RGS6: variants seen among roughly 807,000 people sequenced by gnomAD.
The protein encoded by RGS6 is regulator of G protein signaling 6.
A neutral mutation model predicts 78.5 loss-of-function variants in RGS6; 30 were observed. The ratio of observed to expected loss-of-function variants is 0.38; its 90% CI spans 0.29 to 0.52. RGS6 has a LOEUF of 0.52. Ranked by LOEUF, RGS6 falls within the 20% of genes least tolerant of loss-of-function variation. RGS6 has a pLI of 0.85. For synonymous variants in RGS6, 206 were observed against 206.0 expected (o/e 1.00, Z 0.00); for missense variants, 495 against 609.7 (o/e 0.81, Z 1.98).
At chr14:72,327,895 C>G (rs1300251528) in intron 2 of RGS6, among the ~76,000 whole-genome samples, 2 of 151,726 alleles carry the variant, frequency 1.3e-5, no homozygotes, top group Non-Finnish European at 2.9e-5. Flanking sequence ...TTATATATAA[C>G]AATAGGATAT....
At chr14:72,175,227 C>T (rs756664136) in intron 2 of RGS6, among the ~76,000 whole-genome samples, 4 of 152,098 alleles carry the variant, frequency 2.6e-5, no homozygotes, top group Admixed American at 6.6e-5. Flanking sequence ...TCCTGTTTGT[C>T]GTTTGCATAC....
At chr14:71,972,354 T>TA (rs397737872) in intron 2 of RGS6, among the ~76,000 whole-genome samples, 1 of 151,654 alleles carries the variant, frequency 6.6e-6, no homozygotes. Flanking sequence ...GTTTTTTTTT[T>TA]ATAATTTCCC....
At chr14:71,975,197 G>T (rs930243114) in intron 2 of RGS6, among the ~76,000 whole-genome samples, 1 of 151,856 alleles carries the variant, frequency 6.6e-6, no homozygotes, top group East Asian at 1.9e-4. Flanking sequence ...TTTTGTGAAG[G>T]GTGTTTTTTC....
rs562371099 is a variant in RGS6 at position 72,290,493 on chromosome 14, T to C, written c.85-61602T>C. Among the ~76,000 whole-genome samples, 6 of 152,350 alleles carry C rather than the reference T, an allele frequency of 3.9e-5. No individual in the cohort carries two copies. The East Asian group carries it at 1.2e-3, about 29-fold the overall frequency. On this transcript the variant is annotated intron_variant, in intron 2 of 17. Coordinates refer to ENST00000553525, the MANE Select transcript of RGS6 (RefSeq NM_001204424.2). ...TCCACAGCTTCCATTTAAGGTATTT[T>C]GGAAGTCCCTCGAAATGGGTCCTTG... is the stretch of plus-strand genomic sequence containing the variant.
chr14:72,291,858 A>G (rs747176462), intron 2 of RGS6, among the ~76,000 whole-genome samples: 11 of 152,226 alleles, frequency 7.2e-5, no homozygotes, highest in Non-Finnish European at 1.0e-4. Flanking sequence ...GAAAGTTACT[A>G]AAAGAAAGAA....
intron 2 of RGS6, among the ~76,000 whole-genome samples, chr14:72,186,538 T>G (rs1275996884): frequency 6.6e-6 from 1 of 152,160 alleles, no homozygotes; most frequent in Non-Finnish European, 1.5e-5. Flanking sequence ...ATTGGCCAAC[T>G]TTGAGTGTGC....
intron 2 of RGS6, among the ~76,000 whole-genome samples, chr14:72,123,650 A>G (rs970791332): frequency 1.3e-5 from 2 of 152,220 alleles, no homozygotes; most frequent in Non-Finnish European, 2.9e-5. Context: ...AATTATGTGT[A>G]ATGCTGAAAA....
At chr14:72,458,020 G>A (rs771951798) in intron 4 of RGS6, among the ~76,000 whole-genome samples, 6 of 152,160 alleles carry the variant, frequency 3.9e-5, no homozygotes, top group Non-Finnish European at 7.4e-5. Context: ...ACTTTCTTCT[G>A]AAGGTCAGGG....
At chr14:72,151,501 A>T (rs1243366234) in intron 2 of RGS6, among the ~76,000 whole-genome samples, 1 of 152,176 alleles carries the variant, frequency 6.6e-6, no homozygotes, top group East Asian at 1.9e-4. Context: ...CCTTCGAGAG[A>T]TGCACTTCAC....
chr14:72,466,585 A>G (rs1485970467), intron 7 of RGS6, among the ~76,000 whole-genome samples: 1 of 152,266 alleles, frequency 6.6e-6, no homozygotes, highest in African/African-American at 2.4e-5. Context: ...ACACACAACC[A>G]CTTGAATGAG....
intron 2 of RGS6, among the ~76,000 whole-genome samples, chr14:72,163,032 C>T (rs992250115): frequency 3.9e-5 from 6 of 152,066 alleles, no homozygotes; most frequent in African/African-American, 1.2e-4. Flanking sequence ...ATACAATGAA[C>T]TTCGGGGACT....
chr14:72,387,455 A>G (rs1272736961), intron 3 of RGS6, among the ~76,000 whole-genome samples: 17 of 152,068 alleles, frequency 1.1e-4, no homozygotes, highest in Admixed American at 1.1e-3. Flanking sequence ...AGGCTGAGGC[A>G]GGAGAATGGC....
chr14:72,548,342 T>TGTGTGTGCGC lies in RGS6; in HGVS notation c.1422+8249_1422+8250insTGTGTGCGCG, dbSNP rs796698263. On this transcript the variant is annotated intron_variant, in intron 17 of 17. Transcript: ENST00000553525. ...CAGATCATATTTGTGTGTGTGTGTG[T>TGTGTGTGCGC]GCGCGCGTGTGTGTGTGTGTGTGTG... Among the ~76,000 whole-genome samples the TGTGTGTGCGC allele has an allele frequency of 6.4e-3, 864 of 134,790 alleles. 12 individuals carry two copies. Among genetic ancestry groups the TGTGTGTGCGC allele is most frequent in the African/African-American group, 0.026 (824 of 31,602 alleles). 88.4% of individuals were successfully genotyped at this position (134,790 alleles called of 152,430 possible).
chr14:72,269,133 C>T (rs1363981447), intron 2 of RGS6, among the ~76,000 whole-genome samples: 6 of 45,650 alleles, frequency 1.3e-4, no homozygotes, highest in South Asian at 1.3e-3. Flanking sequence ...CTATTACCTC[C>T]GCCCCCCCAC....
chr14:71,963,743 G>A (rs978834387), intron 1 of RGS6, among the ~76,000 whole-genome samples: 10 of 152,128 alleles, frequency 6.6e-5, no homozygotes, highest in East Asian at 1.9e-4. Context: ...GGATATACAC[G>A]TTTTATTTAT....
intron 3 of RGS6, among the ~76,000 whole-genome samples, chr14:72,388,769 C>A (rs1182771211): frequency 6.6e-6 from 1 of 152,186 alleles, no homozygotes; most frequent in Non-Finnish European, 1.5e-5. Flanking sequence ...GGGCTCTGTA[C>A]CTTGGCCACT....
At chr14:72,150,916 GA>G (rs1218705786) in intron 2 of RGS6, among the ~76,000 whole-genome samples, 1 of 152,202 alleles carries the variant, frequency 6.6e-6, no homozygotes, top group Non-Finnish European at 1.5e-5. Context: ...ATGCCAAACA[GA>G]AACAACATTT....
At chr14:72,157,687 TGA>T (rs1004751583) in intron 2 of RGS6, among the ~76,000 whole-genome samples, 1 of 152,108 alleles carries the variant, frequency 6.6e-6, no homozygotes, top group Non-Finnish European at 1.5e-5. Flanking sequence ...GGCCACATGC[TGA>T]GAGAGGTATT....
chr14:71,989,668 C>T (rs2094873998), intron 2 of RGS6, among the ~76,000 whole-genome samples: 1 of 152,190 alleles, frequency 6.6e-6, no homozygotes. Flanking sequence ...TTCCCATGGG[C>T]CAGGTCTTTG....
Sources: gnomAD v4.1 joint callset for allele counts (sites outside exome capture counted in the v4.1 genomes callset) on GRCh38, gnomAD v4.1.1 for gene constraint, MANE v1.5 for transcripts, NCBI Gene and HGNC (gene_info 2026-07-23, HGNC 2026-07-21) for gene names.